GSS: variants seen among roughly 807,000 people sequenced by gnomAD.
GSS encodes glutathione synthetase.
In GSS, 34 loss-of-function variants were observed where a neutral mutation model predicts 60.4. That is an observed-to-expected ratio of 0.56 (90% CI 0.43 to 0.75). GSS has a LOEUF of 0.75. Among genes scored for constraint, GSS ranks in the 30% least tolerant of loss-of-function variants. The probability of loss-of-function intolerance (pLI) is 0.00; values close to 1 mark genes in which losing one functional copy is unlikely to be tolerated. For synonymous variants in GSS, 224 were observed against 239.0 expected (o/e 0.94, Z 0.58); for missense variants, 499 against 595.1 (o/e 0.84, Z 1.68).
At position 34,946,055 on chromosome 20, in the gene GSS, G is replaced by A. The variant is rs112712286; in HGVS notation, c.173C>T (p.Pro58Leu). ...ATAGGCTTGCTCCAGCAGGGCACTGGGGACCAGTGAGGGGAAGAGCGTGAA... is the reference window on the plus strand; with the variant it reads ...ATAGGCTTGCTCCAGCAGGGCACTGAGGACCAGTGAGGGGAAGAGCGTGAA... Reference protein sequence around the residue: ...APFTLFPSLVPSALLEQAYAV... With the variant: ...APFTLFPSLVLSALLEQAYAV... The change falls in exon 3 of 13, where the codon CCC (proline) becomes CTC (leucine). Residue 58 changes from proline to leucine, a missense_variant. By Grantham distance (98) the Pro-to-Leu change is moderately conservative (BLOSUM62 -3). Coordinates refer to ENST00000651619, the MANE Select transcript of GSS (RefSeq NM_000178.4). 1.5e-5 allele frequency: 25 copies of A among 1,613,772 alleles called. No individual in the cohort carries two copies. In the African/African-American group the frequency reaches 1.6e-4, roughly 10 times the overall value.
At chr20:34,933,425 A>G (rs2081417551) in intron 9 of GSS, among the ~76,000 whole-genome samples, 1 of 152,240 alleles carries the variant, frequency 6.6e-6, no homozygotes, top group Non-Finnish European at 1.5e-5. Flanking sequence ...GTGGATGATC[A>G]CAGGATGAAT....
At chr20:34,943,705 A>C (rs978749912) in intron 3 of GSS, among the ~76,000 whole-genome samples, 2 of 152,118 alleles carry the variant, frequency 1.3e-5, no homozygotes, top group Non-Finnish European at 2.9e-5. Flanking sequence ...CCACTCCTTT[A>C]CAGCACTGAC....
At chr20:34,947,524 G>C (rs190881544) in intron 2 of GSS, among the ~76,000 whole-genome samples, 1 of 152,288 alleles carries the variant, frequency 6.6e-6, no homozygotes, top group African/African-American at 2.4e-5. Flanking sequence ...CAGCCACCCA[G>C]TTCTCCTCCC....
At chr20:34,954,552 C>CAAAAAA (rs764125581) in intron 1 of GSS, 2 of 96,216 alleles carry the variant, frequency 2.1e-5, no homozygotes, top group African/African-American at 7.6e-5. Flanking sequence ...AAAGCTCTGT[C>CAAAAAA]AAAAAAAAAA....
intron 2 of GSS, chr20:34,949,474 C>G (rs2081549992): frequency 6.8e-6 from 1 of 146,504 alleles, no homozygotes; most frequent in Non-Finnish European, 1.5e-5. Flanking sequence ...CTATGCTGTT[C>G]CTTTTCCCTA....
intron 6 of GSS, among the ~76,000 whole-genome samples, chr20:34,941,435 G>A (rs762140065): frequency 6.6e-6 from 1 of 152,024 alleles, no homozygotes; most frequent in Non-Finnish European, 1.5e-5. Flanking sequence ...AGCCTTGCGT[G>A]CCTCTCTAAC....
chr20:34,951,645 G>T, intron 2 of GSS, 79 bp downstream of exon 2: 1 of 1,470,742 alleles, frequency 6.8e-7, no homozygotes, highest in Non-Finnish European at 9.3e-7. Flanking sequence ...GGTCCCTGAT[G>T]CAAAGGAGTG....
Position 34,931,930 on chromosome 20 carries a change from C to T in GSS, c.1029+9G>A. 1 of 1,612,696 alleles carries T rather than the reference C, an allele frequency of 6.2e-7. No individual in the cohort carries two copies. The highest frequency in any genetic ancestry group is 1.1e-5 in the South Asian group (1 of 91,034). ...GGCCTGTGGTAGGAGAAACAGGCTGCCCACGTACCACATCCAGTGAGTAGA... is the reference window on the plus strand; with the variant it reads ...GGCCTGTGGTAGGAGAAACAGGCTGTCCACGTACCACATCCAGTGAGTAGA... On this transcript the variant is annotated intron_variant, in intron 10 of 12. Coordinates refer to ENST00000651619, the MANE Select transcript of GSS (RefSeq NM_000178.4).
chr20:34,943,071 C>A, intron 3 of GSS, 65 bp from the exon 4 acceptor site: 1 of 1,052,986 alleles, frequency 9.5e-7, no homozygotes, highest in South Asian at 1.3e-5. Context: ...GGAGTCCCAT[C>A]CTCAGTCATT....
At chr20:34,931,614 C>G in intron 10 of GSS, 197 bp from the exon 11 acceptor site, 1 of 662,462 alleles carries the variant, frequency 1.5e-6, no homozygotes, top group Non-Finnish European at 2.7e-6. Context: ...TGAGAACAGG[C>G]CTTTCTTTAG....
chr20:34,930,390 G>C (rs2081391637), intron 11 of GSS, among the ~76,000 whole-genome samples: 1 of 151,942 alleles, frequency 6.6e-6, no homozygotes, highest in Non-Finnish European at 1.5e-5. Context: ...GCCTGAACCT[G>C]CCCCTCCTGG....
At chr20:34,936,731 C>A (rs766478190) in intron 8 of GSS, 32 bp downstream of exon 8, 2 of 1,488,624 alleles carry the variant, frequency 1.3e-6, no homozygotes, top group East Asian at 2.3e-5. Context: ...TTTCATAAAC[C>A]AGCCTTCCAC....
At chr20:34,929,647 C>A in intron 11 of GSS, 57 bp from the exon 12 acceptor site, 2 of 1,501,104 alleles carry the variant, frequency 1.3e-6, no homozygotes, top group East Asian at 2.3e-5. Flanking sequence ...CCATCCCATG[C>A]CCTCACTTTT....
intron 3 of GSS, among the ~76,000 whole-genome samples, chr20:34,943,283 T>A (rs2081498570): frequency 1.3e-5 from 2 of 152,204 alleles, no homozygotes; most frequent in Admixed American, 1.3e-4. Context: ...TAATTATATT[T>A]ATATCATAGA....
chr20:34,942,671 A>C (rs2081493574), intron 4 of GSS, 44 bp from the exon 5 acceptor site: 14 of 1,599,028 alleles, frequency 8.8e-6, no homozygotes, highest in Non-Finnish European at 1.2e-5. Context: ...CCAGGGACTG[A>C]CTCTGAGGAC....
chr20:34,929,114 T>C (rs2081377575), intron 12 of GSS, 163 bp from the exon 13 acceptor site: 2 of 858,444 alleles, frequency 2.3e-6, no homozygotes, highest in Non-Finnish European at 3.8e-6. Context: ...TAGTCCTAGG[T>C]TGTCAAACCA....
intron 2 of GSS, among the ~76,000 whole-genome samples, chr20:34,947,883 T>C (rs778489275): frequency 1.3e-5 from 2 of 152,080 alleles, no homozygotes; most frequent in Non-Finnish European, 2.9e-5. Flanking sequence ...AGTAAAAATA[T>C]CAAGTAATTC....
intron 2 of GSS, among the ~76,000 whole-genome samples, chr20:34,948,442 A>G (rs1340329317): frequency 6.6e-6 from 1 of 152,152 alleles, no homozygotes; most frequent in Non-Finnish European, 1.5e-5. Flanking sequence ...TCTACAGGCT[A>G]AAGGCTGAAA....
At chr20:34,944,090 A>T (rs1363101350) in intron 3 of GSS, among the ~76,000 whole-genome samples, 1 of 152,194 alleles carries the variant, frequency 6.6e-6, no homozygotes, top group Non-Finnish European at 1.5e-5. Flanking sequence ...CTCTCTCCCA[A>T]GGGTGAGCTC....
Sources: gnomAD v4.1 joint callset for allele counts (sites outside exome capture counted in the v4.1 genomes callset) on GRCh38, gnomAD v4.1.1 for gene constraint, MANE v1.5 for transcripts, NCBI Gene and HGNC (gene_info 2026-07-23, HGNC 2026-07-21) for gene names.